Variants in AGBL4 observed in about 807,000 individuals in gnomAD.
The protein encoded by AGBL4 is cytosolic carboxypeptidase 6.
Under a neutral mutation model 66.4 loss-of-function variants are expected in AGBL4, and 58 were observed. The ratio of observed to expected loss-of-function variants is 0.87; its 90% confidence interval spans 0.71 to 1.09. The LOEUF (loss-of-function observed/expected upper bound fraction) is 1.09, where lower values mean the gene tolerates loss of function less well. AGBL4 is among the 50% of genes least tolerant of loss of function. The pLI, the probability that AGBL4 is intolerant of heterozygous loss-of-function variation, is 0.00. For missense variants in AGBL4, 579 were observed against 631.0 expected, an observed-to-expected ratio of 0.92 and a Z score of 0.88; for synonymous variants, 234 against 222.9, an observed-to-expected ratio of 1.05 and a Z score of -0.44.
At chr1:49,618,528 T>G (rs1384547673) in intron 3 of AGBL4, among the ~76,000 whole-genome samples, 3 of 152,164 alleles carry the variant, frequency 2.0e-5, no homozygotes, top group Non-Finnish European at 2.9e-5. Context: ...AGGCAAATTC[T>G]ACCAGAGGTA....
At chr1:49,549,286 G>A (rs998094921) in intron 3 of AGBL4, among the ~76,000 whole-genome samples, 3 of 146,000 alleles carry the variant, frequency 2.1e-5, no homozygotes, top group Middle Eastern at 3.5e-3. Flanking sequence ...ATTTAGTTCT[G>A]CCCTGATCTT....
chr1:48,717,744 A>G (rs1305884493), intron 6 of AGBL4, among the ~76,000 whole-genome samples: 2 of 152,202 alleles, frequency 1.3e-5, no homozygotes, highest in African/African-American at 4.8e-5. Flanking sequence ...GCTGATTACT[A>G]GAGGCATTGA....
At chr1:48,904,423 C>A (rs780245381) in intron 5 of AGBL4, among the ~76,000 whole-genome samples, 1 of 152,204 alleles carries the variant, frequency 6.6e-6, no homozygotes, top group African/African-American at 2.4e-5. Context: ...GTATTTAAAG[C>A]ATGGACTATA....
At chr1:49,845,552 A>G (rs1181344082) in intron 2 of AGBL4, 3 of 1,597,228 alleles carry the variant, frequency 1.9e-6, no homozygotes, top group Non-Finnish European at 2.6e-6. Flanking sequence ...ACCAAACACC[A>G]GCAAATCCAC....
intron 3 of AGBL4, among the ~76,000 whole-genome samples, chr1:49,468,157 A>C (rs1219312056): frequency 6.6e-6 from 1 of 151,922 alleles, no homozygotes; most frequent in Non-Finnish European, 1.5e-5. Flanking sequence ...AATCAAATGC[A>C]GATGTGGGAC....
chr1:49,323,797 G>A (rs964679747), intron 3 of AGBL4, among the ~76,000 whole-genome samples: 55 of 150,278 alleles, frequency 3.7e-4, no homozygotes, highest in African/African-American at 1.3e-3. Context: ...CCTAAGGCCT[G>A]GCAAACTCCC....
rs373140672 is a variant in AGBL4 at position 49,573,232 on chromosome 1, G to T, written c.282+124081C>A. 3.3e-4 allele frequency among the ~76,000 whole-genome samples: 50 copies of T among 150,356 alleles called. 1 individual carries two copies. The South Asian group carries it at 9.5e-3, about 29-fold the overall frequency. ...CCTCTAGACAACCCTGACTAATGCA[G>T]ATTTTAGTACCAGGAGAGGTTCTAG... On this transcript the variant is annotated intron_variant, in intron 3 of 13. Transcript: ENST00000371839.
intron 5 of AGBL4, among the ~76,000 whole-genome samples, chr1:48,947,013 G>C (rs1166878635): frequency 6.6e-6 from 1 of 152,178 alleles, no homozygotes; most frequent in Non-Finnish European, 1.5e-5. Flanking sequence ...TTTGTCACTG[G>C]CCTTCTTTTC....
At chr1:48,653,079 G>A (rs1645957855) in intron 8 of AGBL4, among the ~76,000 whole-genome samples, 1 of 152,142 alleles carries the variant, frequency 6.6e-6, no homozygotes, top group Admixed American at 6.5e-5. Flanking sequence ...GAAAGTAGGT[G>A]CCAAAACTGA....
At chr1:49,325,922 C>G (rs1645220938) in intron 3 of AGBL4, among the ~76,000 whole-genome samples, 1 of 152,156 alleles carries the variant, frequency 6.6e-6, no homozygotes, top group African/African-American at 2.4e-5. Context: ...TTTCAGTCTG[C>G]CTTTGCCTTC....
intron 3 of AGBL4, among the ~76,000 whole-genome samples, chr1:49,278,684 T>C (rs1181093242): frequency 1.3e-5 from 2 of 152,134 alleles, no homozygotes; most frequent in South Asian, 2.1e-4. Flanking sequence ...CAGGCCCATA[T>C]TGAATTTTGT....
chr1:49,653,841 C>T (rs951057769), intron 3 of AGBL4, among the ~76,000 whole-genome samples: 12 of 151,116 alleles, frequency 7.9e-5, no homozygotes, highest in Non-Finnish European at 1.2e-4. Flanking sequence ...ACTGAACGTA[C>T]GACTGATAGA....
chr1:49,389,001 C>T (rs984583365), intron 3 of AGBL4, among the ~76,000 whole-genome samples: 2 of 151,996 alleles, frequency 1.3e-5, no homozygotes, highest in Non-Finnish European at 2.9e-5. Context: ...AAATGTTTAG[C>T]GCAAGAAAAC....
At chr1:49,136,899 T>A (rs778559182) in intron 4 of AGBL4, among the ~76,000 whole-genome samples, 2 of 152,130 alleles carry the variant, frequency 1.3e-5, no homozygotes, top group African/African-American at 2.4e-5. Context: ...GTCTTTCAGA[T>A]AATCAGTCCA....
At chr1:49,746,855 T>C (rs1170842136) in intron 2 of AGBL4, among the ~76,000 whole-genome samples, 1 of 152,124 alleles carries the variant, frequency 6.6e-6, no homozygotes, top group African/African-American at 2.4e-5. Context: ...TAGCTGAGAT[T>C]GTAAAAGTTG....
At chr1:49,970,761 A>C (rs1320500080) in intron 1 of AGBL4, among the ~76,000 whole-genome samples, 1 of 152,006 alleles carries the variant, frequency 6.6e-6, no homozygotes, top group East Asian at 1.9e-4. Context: ...ACAAACAAAA[A>C]AAAAAAACAG....
At chr1:49,796,802 GA>G (rs1443942069) in intron 2 of AGBL4, among the ~76,000 whole-genome samples, 1 of 151,678 alleles carries the variant, frequency 6.6e-6, no homozygotes, top group Non-Finnish European at 1.5e-5. Flanking sequence ...TTCTAATAAT[GA>G]GTACATATTA....
At chr1:49,522,290 G>T (rs185792919) in intron 3 of AGBL4, among the ~76,000 whole-genome samples, 13 of 152,090 alleles carry the variant, frequency 8.5e-5, no homozygotes, top group Admixed American at 3.3e-4. Context: ...GAGTAGGTGG[G>T]TATAATAATA....
intron 3 of AGBL4, among the ~76,000 whole-genome samples, chr1:49,619,294 C>T (rs548353086): frequency 6.6e-6 from 1 of 152,204 alleles, no homozygotes; most frequent in East Asian, 1.9e-4. Flanking sequence ...AACCAATGTG[C>T]AAAAACCACA....
Sources: gnomAD v4.1 joint callset for allele counts (sites outside exome capture counted in the v4.1 genomes callset) on GRCh38, gnomAD v4.1.1 for gene constraint, MANE v1.5 for transcripts, NCBI Gene and HGNC (gene_info 2026-07-23, HGNC 2026-07-21) for gene names.